Variants in GNG2 observed in about 807,000 individuals in gnomAD.
GNG2 encodes guanine nucleotide-binding protein G(I)/G(S)/G(O) subunit gamma-2.
Under a neutral mutation model 5.5 loss-of-function variants are expected in GNG2, and 5 were observed. The observed-to-expected ratio is 0.91, with a 90% CI of 0.48 to 1.92. The LOEUF is 1.92. Ranked by LOEUF, GNG2 falls within the 30% of genes most tolerant of loss-of-function variation. GNG2 has a pLI of 0.01. For missense variants in GNG2, 55 were observed against 88.4 expected, an observed-to-expected ratio of 0.62 and a Z score of 1.52; for synonymous variants, 28 against 32.0, an observed-to-expected ratio of 0.88 and a Z score of 0.42.
chr14:51,914,140 T>G (rs1886463579), intron 2 of GNG2: 2 of 671,360 alleles, frequency 3.0e-6, no homozygotes, highest in Non-Finnish European at 5.4e-6. Flanking sequence ...ATCTTGTTTT[T>G]GGGGGAATGG....
chr14:51,847,811 A>G (rs745697179), intron 2 of GNG2, among the ~76,000 whole-genome samples: 23 of 147,676 alleles, frequency 1.6e-4, no homozygotes, highest in Non-Finnish European at 2.8e-4. Context: ...GATTTTAAAA[A>G]GTCTTCTAAT....
At chr14:51,881,647 G>T (rs1219063534) in intron 2 of GNG2, among the ~76,000 whole-genome samples, 1 of 144,746 alleles carries the variant, frequency 6.9e-6, no homozygotes, top group Admixed American at 7.0e-5. Context: ...GTACTTGAAA[G>T]AACAATAAAT....
chr14:51,894,238 C>T (rs979449586), intron 2 of GNG2, among the ~76,000 whole-genome samples: 10 of 151,982 alleles, frequency 6.6e-5, no homozygotes, highest in Non-Finnish European at 7.4e-5. Context: ...TCAAATATAT[C>T]GTAGTTTTAT....
At chr14:51,861,127 C>T (rs1470223374) in intron 1 of GNG2, among the ~76,000 whole-genome samples, 2 of 151,956 alleles carry the variant, frequency 1.3e-5, no homozygotes, top group Non-Finnish European at 2.9e-5. Flanking sequence ...CCCGGCAGTC[C>T]CCTTGTTTTA....
At chr14:51,939,519 G>A (rs372380265) in intron 2 of GNG2, among the ~76,000 whole-genome samples, 5 of 152,172 alleles carry the variant, frequency 3.3e-5, no homozygotes, top group Non-Finnish European at 7.4e-5. Flanking sequence ...GCCATGTTGC[G>A]TCTTACTCTC....
At chr14:51,923,971 C>T (rs1057123549) in intron 2 of GNG2, among the ~76,000 whole-genome samples, 7 of 152,200 alleles carry the variant, frequency 4.6e-5, no homozygotes, top group Non-Finnish European at 7.3e-5. Flanking sequence ...GGAATTTGTA[C>T]TTCCTACCCC....
intron 3 of GNG2, chr14:51,952,061 A>G (rs3825600): frequency 0.023 from 14,113 of 605,546 alleles, 520 homozygotes; most frequent in East Asian, 0.1. Context: ...TTTTCAGTTC[A>G]TTCCGATGTA....
chr14:51,841,035 AAT>A (rs1881468513), intron 2 of GNG2, among the ~76,000 whole-genome samples: 1 of 152,184 alleles, frequency 6.6e-6, no homozygotes, highest in East Asian at 1.9e-4. Context: ...AGTGACCACA[AAT>A]GCATAATATG....
intron 2 of GNG2, among the ~76,000 whole-genome samples, chr14:51,903,146 T>A (rs895841215): frequency 2.6e-5 from 4 of 152,228 alleles, no homozygotes; most frequent in African/African-American, 9.7e-5. Context: ...ACAAGCAATT[T>A]ACATACCCAA....
intron 2 of GNG2, among the ~76,000 whole-genome samples, chr14:51,924,866 T>C (rs1426067982): frequency 6.6e-6 from 1 of 152,242 alleles, no homozygotes; most frequent in Non-Finnish European, 1.5e-5. Context: ...CTTGTGTTCA[T>C]CATCCTAATA....
chr14:51,888,077 A>G (rs566636844), intron 2 of GNG2, among the ~76,000 whole-genome samples: 1 of 152,322 alleles, frequency 6.6e-6, no homozygotes, highest in African/African-American at 2.4e-5. Flanking sequence ...TACACCCATG[A>G]AACCATCATC....
At chr14:51,894,219 C>T (rs913803207) in intron 2 of GNG2, among the ~76,000 whole-genome samples, 1 of 152,166 alleles carries the variant, frequency 6.6e-6, no homozygotes, top group African/African-American at 2.4e-5. Context: ...GGAAAACATG[C>T]TTCTCAATTC....
intron 2 of GNG2, among the ~76,000 whole-genome samples, chr14:51,853,257 TG>T (rs895094299): frequency 1.1e-4 from 17 of 152,180 alleles, no homozygotes; most frequent in Admixed American, 8.5e-4. Context: ...GCGAGGTGGG[TG>T]CTGAAGATGA....
At chr14:51,853,839 A>G (rs1217122205) in intron 2 of GNG2, among the ~76,000 whole-genome samples, 1 of 147,438 alleles carries the variant, frequency 6.8e-6, no homozygotes, top group Non-Finnish European at 1.5e-5. Flanking sequence ...TTTGCTGCTA[A>G]CTCCCTCTTC....
chr14:51,925,050 G>A (rs1887226355), intron 2 of GNG2, among the ~76,000 whole-genome samples: 3 of 152,194 alleles, frequency 2.0e-5, no homozygotes, highest in African/African-American at 7.2e-5. Context: ...GTGTTCCATA[G>A]CACTGTAGGG....
At chr14:51,896,547 G>A (rs1885204882) in intron 2 of GNG2, among the ~76,000 whole-genome samples, 2 of 152,260 alleles carry the variant, frequency 1.3e-5, no homozygotes, top group South Asian at 4.1e-4. Context: ...CCCATAGAAA[G>A]AAGCCTAAGA....
At chr14:51,899,800 C>T (rs866120827) in intron 2 of GNG2, among the ~76,000 whole-genome samples, 2 of 152,128 alleles carry the variant, frequency 1.3e-5, no homozygotes, top group African/African-American at 2.4e-5. Flanking sequence ...CTTAGCATAA[C>T]GTCTTTAAAG....
intron 2 of GNG2, among the ~76,000 whole-genome samples, chr14:51,894,715 G>A (rs61973110): frequency 0.35 from 52,454 of 151,786 alleles, 9,703 homozygotes; most frequent in Non-Finnish European, 0.42. Context: ...CAAGATATAA[G>A]CTTATTGGTA....
chr14:51,876,168 G>T (rs555303478), intron 1 of GNG2, among the ~76,000 whole-genome samples: 3 of 151,988 alleles, frequency 2.0e-5, no homozygotes, highest in Non-Finnish European at 2.9e-5. Context: ...CAAACTCCTG[G>T]ACACAAGTGT....
Sources: allele counts gnomAD v4.1 joint callset (sites outside exome capture counted in the v4.1 genomes callset), GRCh38; gene constraint gnomAD v4.1.1; transcripts MANE v1.5; gene names NCBI Gene and HGNC (gene_info 2026-07-23, HGNC 2026-07-21).